Variants in TLK2 observed in about 807,000 individuals in gnomAD.
TLK2 encodes the protein tousled like kinase 2.
A neutral mutation model predicts 117.3 loss-of-function variants in TLK2; 6 were observed. The ratio of observed to expected loss-of-function variants is 0.05; its 90% CI spans 0.03 to 0.10. The LOEUF (loss-of-function observed/expected upper bound fraction) is 0.10. TLK2 is among the 10% of genes least tolerant of loss of function. The probability of loss-of-function intolerance (pLI) is 1.00; values close to 1 mark genes in which losing one functional copy is unlikely to be tolerated. For synonymous variants in TLK2, 257 were observed against 316.7 expected, an observed-to-expected ratio of 0.81 and a Z score of 2.00; for missense variants, 299 against 901.2, an observed-to-expected ratio of 0.33 and a Z score of 8.56.
chr17:62,474,472 C>T (rs137918320), upstream of TLK2, among the ~76,000 whole-genome samples: 1,387 of 149,040 alleles, frequency 9.3e-3, 13 homozygotes, highest in African/African-American at 0.032. Context: ...TGCAGTGGTG[C>T]GGTCTCGGCT....
At chr17:62,499,287 T>C (rs1286073719) in intron 2 of TLK2, among the ~76,000 whole-genome samples, 4 of 151,080 alleles carry the variant, frequency 2.6e-5, no homozygotes, top group Non-Finnish European at 3.0e-5. Context: ...TGAGCCGAGA[T>C]TGAGCTTCTA....
intron 7 of TLK2, among the ~76,000 whole-genome samples, chr17:62,547,240 T>A (rs1198307524): frequency 6.6e-6 from 1 of 152,204 alleles, no homozygotes; most frequent in Non-Finnish European, 1.5e-5. Context: ...TATTGTTTTT[T>A]CGTCTTGGAT....
chr17:62,592,463 G>T (rs1018823979), intron 16 of TLK2, among the ~76,000 whole-genome samples: 1 of 152,120 alleles, frequency 6.6e-6, no homozygotes, highest in East Asian at 1.9e-4. Context: ...GAAATGTATC[G>T]TTAGGTGATT....
At chr17:62,504,258 A>C (rs961959493) in intron 2 of TLK2, among the ~76,000 whole-genome samples, 3 of 152,150 alleles carry the variant, frequency 2.0e-5, no homozygotes, top group Non-Finnish European at 2.9e-5. Context: ...TATTACCCTC[A>C]TCCCCAACAT....
At chr17:62,596,771 C>A in intron 17 of TLK2, 97 bp downstream of exon 17, 1 of 990,376 alleles carries the variant, frequency 1.0e-6, no homozygotes. Flanking sequence ...AGGACATACC[C>A]TCTGAGGGAA....
intron 11 of TLK2, among the ~76,000 whole-genome samples, chr17:62,566,913 ATAGAGATGTAAT>A (rs2079841085): frequency 6.6e-6 from 1 of 152,180 alleles, no homozygotes; most frequent in Non-Finnish European, 1.5e-5. Context: ...GTGAGTTTGT[ATAGAGATGTAAT>A]TAGTTTTAAG....
upstream of TLK2, chr17:62,477,852 T>TG (rs905461335): frequency 6.6e-6 from 1 of 152,260 alleles, no homozygotes; most frequent in Non-Finnish European, 1.5e-5. Context: ...AGATACTCTG[T>TG]GAGGGGCCGG....
chr17:62,605,753 C>T (rs368843542), intron 19 of TLK2, among the ~76,000 whole-genome samples: 2 of 151,824 alleles, frequency 1.3e-5, no homozygotes, highest in Admixed American at 6.6e-5. Context: ...ACCTATAATC[C>T]CAGTACTTTA....
intron 2 of TLK2, among the ~76,000 whole-genome samples, chr17:62,499,966 G>A (rs1465157942): frequency 3.9e-5 from 6 of 152,110 alleles, no homozygotes; most frequent in Middle Eastern, 3.4e-3. Flanking sequence ...ATTATGGGCC[G>A]TTCTTACAGA....
chr17:62,607,896 A>C, intron 20 of TLK2, 145 bp from the exon 21 acceptor site: 2 of 646,134 alleles, frequency 3.1e-6, no homozygotes, highest in South Asian at 4.2e-5. Context: ...ATAAAGTGAG[A>C]GAACTAGAGG....
chr17:62,493,651 A>G lies in TLK2; in HGVS notation c.81+12445A>G, dbSNP rs1022785239. On this transcript the variant is annotated intron_variant, in intron 2 of 21. Coordinates refer to ENST00000346027, the MANE Select transcript of TLK2 (RefSeq NM_006852.6). ...TAGAAGTCTTAGAAATCCTGTTAAC[A>G]TATGCAGATGAACTAGTAATGACAG... Among the ~76,000 whole-genome samples the G allele has an allele frequency of 3.3e-5, 5 of 152,262 alleles. No homozygotes were observed. The East Asian group carries it at 5.8e-4, about 18-fold the overall frequency.
chr17:62,524,180 A>T (rs1398219009), intron 5 of TLK2, 56 bp from the exon 6 acceptor site: 1 of 1,576,748 alleles, frequency 6.3e-7, no homozygotes, highest in African/African-American at 1.4e-5. Flanking sequence ...TACTCTCCTT[A>T]TCTGAAGCAT....
rs1476604539 is a variant in TLK2, at chr17:62,578,592, A to G, written c.1286+18A>G. 6.3e-7 allele frequency: 1 copy of G among 1,589,592 alleles called. No individual in the cohort carries two copies. The highest frequency in any genetic ancestry group is 1.1e-5 in the South Asian group (1 of 90,582). On this transcript the variant is annotated intron_variant, in intron 14 of 21. Coordinates refer to ENST00000346027, the MANE Select transcript of TLK2 (RefSeq NM_006852.6). ...AATTCACAGTAAGCTACTTCAGGGC[A>G]TATTGGGTTGGAGATTGCTAAGCAT...
intron 11 of TLK2, among the ~76,000 whole-genome samples, chr17:62,572,087 T>G (rs2080347426): frequency 6.6e-6 from 1 of 151,714 alleles, no homozygotes; most frequent in African/African-American, 2.4e-5. Context: ...CGAGAATCAC[T>G]TGAACTTGGG....
chr17:62,500,925 C>CA (rs1383770544), intron 2 of TLK2, among the ~76,000 whole-genome samples: 1 of 152,086 alleles, frequency 6.6e-6, no homozygotes, highest in Non-Finnish European at 1.5e-5. Flanking sequence ...CACAATATAT[C>CA]AAAATTTGTG....
At chr17:62,592,406 C>CT (rs1432995832) in intron 16 of TLK2, among the ~76,000 whole-genome samples, 1 of 152,170 alleles carries the variant, frequency 6.6e-6, no homozygotes, top group African/African-American at 2.4e-5. Context: ...CTTAAAAATG[C>CT]TAATCATATT....
chr17:62,482,053 AT>A (rs985640700), intron 2 of TLK2, among the ~76,000 whole-genome samples: 4 of 151,558 alleles, frequency 2.6e-5, no homozygotes, highest in African/African-American at 9.7e-5. Flanking sequence ...TCAGGTGATG[AT>A]TCTCCTGCCT....
chr17:62,534,953 A>G (rs572915505), intron 6 of TLK2, among the ~76,000 whole-genome samples: 2 of 140,282 alleles, frequency 1.4e-5, no homozygotes, highest in East Asian at 2.1e-4. Context: ...CAGTGGCGCA[A>G]TCTGGGCTCA....
At chr17:62,611,333 G>A (rs981948906) in intron 21 of TLK2, among the ~76,000 whole-genome samples, 1 of 152,288 alleles carries the variant, frequency 6.6e-6, no homozygotes, top group East Asian at 1.9e-4. Flanking sequence ...TGAAAAACCA[G>A]ATTGGCATTG....
Sources: allele counts gnomAD v4.1 joint callset (sites outside exome capture counted in the v4.1 genomes callset), GRCh38; gene constraint gnomAD v4.1.1; transcripts MANE v1.5; gene names NCBI Gene and HGNC (gene_info 2026-07-23, HGNC 2026-07-21).